Variants in IMMP2L observed in about 807,000 individuals in gnomAD.
IMMP2L encodes the protein mitochondrial inner membrane protease subunit 2.
In IMMP2L, 18 loss-of-function variants were observed where a neutral mutation model predicts 19.3. That is an observed-to-expected ratio of 0.93 (90% confidence interval 0.64 to 1.38). The LOEUF (loss-of-function observed/expected upper bound fraction) is 1.38. IMMP2L is among the 40% of genes most tolerant of loss of function. IMMP2L has a pLI of 0.00. For synonymous variants in IMMP2L, 76 were observed against 73.0 expected, an observed-to-expected ratio of 1.04 and a Z score of -0.21; for missense variants, 233 against 218.2, an observed-to-expected ratio of 1.07 and a Z score of -0.43.
chr7:111,160,860 C>T (rs988799265), intron 3 of IMMP2L, among the ~76,000 whole-genome samples: 13 of 150,680 alleles, frequency 8.6e-5, no homozygotes, highest in African/African-American at 2.7e-4. Context: ...AAACTTCTGA[C>T]GAGTTTGAAA....
intron 3 of IMMP2L, chr7:111,091,270 A>C (rs934485699): frequency 6.6e-6 from 1 of 152,232 alleles, no homozygotes; most frequent in Non-Finnish European, 1.5e-5. Flanking sequence ...AGGAAAAAGA[A>C]GGAATCCCGG....
At chr7:110,745,516 C>G (rs545663772) in intron 5 of IMMP2L, among the ~76,000 whole-genome samples, 5 of 152,188 alleles carry the variant, frequency 3.3e-5, no homozygotes, top group Non-Finnish European at 5.9e-5. Flanking sequence ...GTCAGGTTAC[C>G]CACAAAGGGA....
chr7:111,477,711 C>T (rs2132166776), intron 3 of IMMP2L, among the ~76,000 whole-genome samples: 1 of 152,038 alleles, frequency 6.6e-6, no homozygotes, highest in Non-Finnish European at 1.5e-5. Context: ...CCAGCCTGAC[C>T]AACACAGAGA....
At chr7:110,938,649 G>T (rs1358958098) in intron 4 of IMMP2L, among the ~76,000 whole-genome samples, 3 of 151,970 alleles carry the variant, frequency 2.0e-5, no homozygotes, top group Admixed American at 6.6e-5. Flanking sequence ...CAATATTTGG[G>T]CGATGGGTAC....
At chr7:111,495,449 G>A (rs1002687608) in intron 2 of IMMP2L, among the ~76,000 whole-genome samples, 1 of 152,126 alleles carries the variant, frequency 6.6e-6, no homozygotes, top group Non-Finnish European at 1.5e-5. Context: ...TTTGGAACAA[G>A]CATAACACAA....
chr7:110,869,622 T>G (rs372121323), intron 5 of IMMP2L, among the ~76,000 whole-genome samples: 1 of 152,134 alleles, frequency 6.6e-6, no homozygotes, highest in Non-Finnish European at 1.5e-5. Flanking sequence ...TGGGGAATAC[T>G]TGCTGAAGTA....
intron 3 of IMMP2L, among the ~76,000 whole-genome samples, chr7:111,011,175 T>G (rs1449588849): frequency 6.6e-6 from 1 of 152,086 alleles, no homozygotes; most frequent in African/African-American, 2.4e-5. Flanking sequence ...AATATATGGT[T>G]CTAGTTGCCA....
intron 4 of IMMP2L, among the ~76,000 whole-genome samples, chr7:110,935,223 C>T (rs1455797230): frequency 6.6e-6 from 1 of 152,100 alleles, no homozygotes; most frequent in African/African-American, 2.4e-5. Flanking sequence ...ATTTGCTTGT[C>T]TGTAAAGGAT....
intron 3 of IMMP2L, among the ~76,000 whole-genome samples, chr7:111,110,922 T>G (rs914143520): frequency 6.6e-6 from 1 of 152,212 alleles, no homozygotes; most frequent in African/African-American, 2.4e-5. Context: ...GATCCAATAA[T>G]CTAACACTAT....
intron 4 of IMMP2L, among the ~76,000 whole-genome samples, chr7:110,898,588 C>A (rs1811555346): frequency 6.6e-6 from 1 of 151,996 alleles, no homozygotes; most frequent in South Asian, 2.1e-4. Flanking sequence ...AAAGAAAACA[C>A]AAAAACAAAA....
intron 5 of IMMP2L, among the ~76,000 whole-genome samples, chr7:110,786,397 C>T (rs943052095): frequency 9.9e-5 from 15 of 151,836 alleles, no homozygotes; most frequent in African/African-American, 3.6e-4. Context: ...TATCTTTTCA[C>T]GGAGTAAAGA....
At chr7:111,560,578 C>T (rs1210022670) in intron 1 of IMMP2L, among the ~76,000 whole-genome samples, 1 of 152,196 alleles carries the variant, frequency 6.6e-6, no homozygotes, top group Non-Finnish European at 1.5e-5. Flanking sequence ...TAATTCTGTT[C>T]TCCCACAACA....
chr7:111,518,726 G>C (rs1423805637), intron 2 of IMMP2L, among the ~76,000 whole-genome samples: 4 of 152,056 alleles, frequency 2.6e-5, no homozygotes, highest in Non-Finnish European at 5.9e-5. Context: ...TTTAAAGTAT[G>C]ATTTACTGGC....
chr7:111,543,636 T>C (rs895140284), intron 1 of IMMP2L, among the ~76,000 whole-genome samples: 1 of 152,162 alleles, frequency 6.6e-6, no homozygotes, highest in Non-Finnish European at 1.5e-5. Flanking sequence ...AGCAAATGTA[T>C]AGCCTTTATA....
intron 2 of IMMP2L, among the ~76,000 whole-genome samples, chr7:111,503,651 A>T (rs1419241585): frequency 6.6e-6 from 1 of 152,142 alleles, no homozygotes; most frequent in Non-Finnish European, 1.5e-5. Flanking sequence ...CCCTGGGATG[A>T]AAGGCTAGTT....
chr7:111,016,590 T>C (rs1289575480), intron 3 of IMMP2L, among the ~76,000 whole-genome samples: 1 of 113,110 alleles, frequency 8.8e-6, no homozygotes, highest in East Asian at 2.4e-4. Flanking sequence ...CATATATGTA[T>C]ATATGTACTA....
chr7:110,684,962 G>C (rs943988997), intron 5 of IMMP2L, among the ~76,000 whole-genome samples: 2 of 151,944 alleles, frequency 1.3e-5, no homozygotes, highest in African/African-American at 4.8e-5. Context: ...TTTCCTTCAA[G>C]TGATTTTTAA....
Position 111,562,363 on chromosome 7 carries a change from C to T in IMMP2L, c.-515G>A, listed in dbSNP as rs1792189112. On this transcript the variant is annotated 5_prime_UTR_variant, in exon 1 of 6. Transcript: ENST00000405709. ...CCGACTCCCAGGGAAGGGTCCCCAGCCCAAGAGACCACCAAGGGTCGGCGG... is the reference window on the plus strand; with the variant it reads ...CCGACTCCCAGGGAAGGGTCCCCAGTCCAAGAGACCACCAAGGGTCGGCGG... 6.6e-6 allele frequency: 1 copy of T among 151,808 alleles called. No homozygotes were observed. Among genetic ancestry groups the T allele is most frequent in the South Asian group, 2.1e-4 (1 of 4,816 alleles). The allele number at this position is 151,808 out of a possible 1,614,324, so 9.4% of individuals were successfully genotyped here.
Position 111,146,728 on chromosome 7 carries a change from T to C in IMMP2L, c.240-183163A>G, listed in dbSNP as rs369084159. Among the ~76,000 whole-genome samples the C allele has an allele frequency of 6.6e-5, 10 of 152,136 alleles. No individual in the cohort carries two copies. The South Asian group carries it at 8.3e-4, about 13-fold the overall frequency. ...GTTAAAAAAATATTTATTAAGTTAA[T>C]GGATGAAAAAGGGAATTAAGAAAGA... On this transcript the variant is annotated intron_variant, in intron 3 of 5. Coordinates refer to ENST00000405709, the MANE Select transcript of IMMP2L (RefSeq NM_032549.4).
Sources: gnomAD v4.1 joint callset for allele counts (sites outside exome capture counted in the v4.1 genomes callset) on GRCh38, gnomAD v4.1.1 for gene constraint, MANE v1.5 for transcripts, NCBI Gene and HGNC (gene_info 2026-07-23, HGNC 2026-07-21) for gene names.